Variants in ATL1 observed in about 807,000 individuals in gnomAD.
The protein encoded by ATL1 is atlastin GTPase 1, also known as atlastin-1.
In ATL1, 31 loss-of-function variants were observed where a neutral mutation model predicts 75.5. The observed-to-expected ratio is 0.41, with a 90% CI of 0.31 to 0.55. ATL1 has a LOEUF of 0.55. Ranked by LOEUF, ATL1 falls within the 20% of genes least tolerant of loss-of-function variation. The probability of loss-of-function intolerance (pLI) is 0.27; values close to 1 mark genes in which losing one functional copy is unlikely to be tolerated. For missense variants in ATL1, 405 were observed against 662.6 expected (o/e 0.61, Z 4.27); for synonymous variants, 226 against 233.3 (o/e 0.97, Z 0.28).
chr14:50,628,180 T>C lies in ATL1; in HGVS notation c.1269T>C (p.Ser423=). The change falls in exon 12 of 14, where the codon AGT becomes AGC. Residue 423 remains serine, a synonymous_variant. Transcript: ENST00000358385. The part of the protein sequence containing the change: ...FSRRYLQQLE[S]EIDELYIQYI... The stretch of plus-strand genomic sequence containing the variant: ...GGCGTTACCTGCAGCAGTTGGAGAG[T>C]GAAATAGATGAACTTTACATCCAAT... 1 of 1,613,822 alleles carries C rather than the reference T, an allele frequency of 6.2e-7. No homozygotes were observed. The highest frequency in any genetic ancestry group is 8.5e-7 in the Non-Finnish European group (1 of 1,179,954).
At chr14:50,610,293 T>G (rs996092002) in intron 6 of ATL1, among the ~76,000 whole-genome samples, 1 of 151,992 alleles carries the variant, frequency 6.6e-6, no homozygotes, top group African/African-American at 2.4e-5. Context: ...GAAGAAAGGA[T>G]CCACACAGAG....
At chr14:50,629,874 TGCA>T in intron 12 of ATL1, 118 bp from the exon 13 acceptor site, 2 of 552,560 alleles carry the variant, frequency 3.6e-6, no homozygotes, top group Non-Finnish European at 5.7e-6. Context: ...CTGAAAAATC[TGCA>T]GGAGTATCTG....
intron 11 of ATL1, among the ~76,000 whole-genome samples, chr14:50,627,449 C>A (rs1271893370): frequency 1.3e-5 from 2 of 152,174 alleles, no homozygotes; most frequent in East Asian, 3.8e-4. Flanking sequence ...ACTGAGATTA[C>A]CCTTGTAACT....
At chr14:50,599,661 G>A (rs2039253302) in intron 6 of ATL1, among the ~76,000 whole-genome samples, 1 of 152,168 alleles carries the variant, frequency 6.6e-6, no homozygotes. Context: ...AAAGTGCATA[G>A]AGTAGCATGA....
At chr14:50,584,688 G>A (rs1056141677) in intron 1 of ATL1, among the ~76,000 whole-genome samples, 17 of 151,742 alleles carry the variant, frequency 1.1e-4, no homozygotes, top group South Asian at 4.2e-4. Flanking sequence ...CAGCCTGGGC[G>A]ACAGAACGAG....
Position 50,620,541 on chromosome 14 carries a change from T to TGGA in ATL1, c.863-56_863-55insAGG. 4 of 1,561,412 alleles carry TGGA rather than the reference T, an allele frequency of 2.6e-6. No individual in the cohort carries two copies. In the Admixed American group the frequency reaches 6.8e-5, roughly 26 times the overall value. ...GGAGATCAAAGGATGTTTTATTCTG[T>TGGA]GGCATGGAGGACTGGGAAGGATTCC... is the stretch of plus-strand genomic sequence containing the variant. On this transcript the variant is annotated intron_variant, in intron 8 of 13. Transcript: ENST00000358385.
intron 1 of ATL1, among the ~76,000 whole-genome samples, chr14:50,584,949 A>C (rs554608050): frequency 6.6e-6 from 1 of 152,286 alleles, no homozygotes; most frequent in South Asian, 2.1e-4. Flanking sequence ...GCATGTAACT[A>C]ACAAAGGGAT....
chr14:50,579,092 C>G (rs190097154), intron 1 of ATL1, among the ~76,000 whole-genome samples: 1 of 151,856 alleles, frequency 6.6e-6, no homozygotes, highest in East Asian at 1.9e-4. Context: ...TGGGTTTTGT[C>G]AGTTGCTTAT....
rs573547934 is a variant in ATL1, at chr14:50,606,200, T to A, written c.631-7059T>A. On this transcript the variant is annotated intron_variant, in intron 6 of 13. Transcript: ENST00000358385. Reference sequence around the variant, plus strand: ...TTTATTATTTGAAGCAGCTAACTAATGAGTGTTTGGTATTTGTCTCAATAT... The same window carrying A: ...TTTATTATTTGAAGCAGCTAACTAAAGAGTGTTTGGTATTTGTCTCAATAT... Among the ~76,000 whole-genome samples, 7 of 152,112 alleles carry A rather than the reference T, an allele frequency of 4.6e-5. No individual in the cohort carries two copies. The East Asian group carries it at 1.4e-3, about 29-fold the overall frequency.
chr14:50,606,557 A>G (rs552355198), intron 6 of ATL1, among the ~76,000 whole-genome samples: 3 of 152,146 alleles, frequency 2.0e-5, no homozygotes, highest in Admixed American at 6.6e-5. Context: ...ACGCATTGAA[A>G]AGACAGAGAG....
At chr14:50,549,494 T>C (rs2038675556) in intron 1 of ATL1, among the ~76,000 whole-genome samples, 1 of 152,196 alleles carries the variant, frequency 6.6e-6, no homozygotes, top group Admixed American at 6.5e-5. Flanking sequence ...TGCCCTGGAA[T>C]GGTGGGGAAA....
In ATL1 at chr14:50,574,937, G is replaced by GTATATATA. The variant is rs71118894; in HGVS notation, c.35-12862_35-12855dup. 7.9e-3 allele frequency among the ~76,000 whole-genome samples: 183 copies of GTATATATA among 23,152 alleles called. 2 individuals carry two copies. Among genetic ancestry groups the GTATATATA allele is most frequent in the Non-Finnish European group, 0.011 (146 of 12,866 alleles). The allele number at this position is 23,152 out of a possible 152,430, so 15.2% of individuals were successfully genotyped here. A position where few individuals can be genotyped will look rare whatever the true frequency, so the allele number is the denominator to read the frequency against. The stretch of plus-strand genomic sequence containing the variant: ...TGTGTGTGTGTGTGTGTGTGTGTGT[G>GTATATATA]TATATATATATATATATATATATAT... On this transcript the variant is annotated intron_variant, in intron 1 of 13. Coordinates refer to ENST00000358385, the MANE Select transcript of ATL1 (RefSeq NM_015915.5).
At chr14:50,594,560 A>C (rs1427273866) in intron 5 of ATL1, among the ~76,000 whole-genome samples, 1 of 152,192 alleles carries the variant, frequency 6.6e-6, no homozygotes, top group Non-Finnish European at 1.5e-5. Context: ...ACTGCTCCAA[A>C]AGGAGCAGAA....
chr14:50,561,866 T>C (rs972121445), intron 1 of ATL1, among the ~76,000 whole-genome samples: 2 of 152,158 alleles, frequency 1.3e-5, no homozygotes, highest in African/African-American at 4.8e-5. Context: ...GCCTCTAGAA[T>C]AGGAATTTAT....
At position 50,632,638 on chromosome 14, in the gene ATL1, T is replaced by C. The variant is rs1189624026; in HGVS notation, c.*299T>C. The C allele has an allele frequency of 1.3e-5, 3 of 234,776 alleles. No individual in the cohort carries two copies. Among genetic ancestry groups the C allele is most frequent in the African/African-American group, 6.8e-5 (3 of 44,144 alleles). The allele number at this position is 234,776 out of a possible 1,614,324, so 14.5% of individuals were successfully genotyped here. Reference sequence around the variant, plus strand: ...TGTTCTGCTTGAATTTACTAAATTCTACTACTGGGTTATAATTAAATCATG... The same window carrying C: ...TGTTCTGCTTGAATTTACTAAATTCCACTACTGGGTTATAATTAAATCATG... On this transcript the variant is annotated 3_prime_UTR_variant, in exon 14 of 14. Transcript: ENST00000358385.
chr14:50,591,199 G>A (rs1211495927), intron 3 of ATL1, 124 bp downstream of exon 3: 3 of 952,252 alleles, frequency 3.2e-6, no homozygotes, highest in East Asian at 2.6e-5. Flanking sequence ...TTAAAGTGGG[G>A]TAGCATCCTA....
chr14:50,587,889 G>A lies in ATL1; in HGVS notation c.93G>A (p.Lys31=). ...WSSEEEEPVK[K]AGPVQVLIVK... ...CAGAAGAGGAGGAGCCAGTGAAAAA[G>A]GCAGGACCAGTCCAAGTCCTCATTG... The change falls in exon 2 of 14, where the codon AAG becomes AAA. Residue 31 remains lysine, a synonymous_variant. Coordinates refer to ENST00000358385, the MANE Select transcript of ATL1 (RefSeq NM_015915.5). 2 of 1,614,172 alleles carry A rather than the reference G, an allele frequency of 1.2e-6. No individual in the cohort carries two copies. Among genetic ancestry groups the A allele is most frequent in the African/African-American group, 1.3e-5 (1 of 75,034 alleles).
At chr14:50,583,861 G>A (rs560991659) in intron 1 of ATL1, among the ~76,000 whole-genome samples, 1 of 152,284 alleles carries the variant, frequency 6.6e-6, no homozygotes, top group African/African-American at 2.4e-5. Flanking sequence ...AGAACTGAGA[G>A]CTCAGAAATG....
In ATL1 at chr14:50,546,688, A is replaced by C. The variant is rs542169866; in HGVS notation, c.-140+13321A>C. 2.0e-5 allele frequency among the ~76,000 whole-genome samples: 3 copies of C among 152,346 alleles called. No individual in the cohort carries two copies. The East Asian group carries it at 5.8e-4, about 29-fold the overall frequency. ...ATATTTTAAGATGTCAGAGTTTGAC[A>C]TGAAAGTTATAAGACTGTAAACCCA... On this transcript the variant is annotated intron_variant, in intron 1 of 13. Transcript: ENST00000441560.
Sources: allele counts gnomAD v4.1 joint callset (sites outside exome capture counted in the v4.1 genomes callset), GRCh38; gene constraint gnomAD v4.1.1; transcripts MANE v1.5; gene names NCBI Gene and HGNC (gene_info 2026-07-23, HGNC 2026-07-21).